Variants in AK5 observed in about 807,000 individuals in gnomAD.
The protein encoded by AK5 is adenylate kinase 5.
In AK5, 27 loss-of-function variants were observed where a neutral mutation model predicts 69.5. The observed-to-expected ratio is 0.39, with a 90% CI of 0.29 to 0.54. The LOEUF (loss-of-function observed/expected upper bound fraction) is 0.54, where lower values mean the gene tolerates loss of function less well. AK5 is among the 20% of genes least tolerant of loss of function. AK5 has a pLI of 0.71. For missense variants in AK5, 531 were observed against 700.4 expected (o/e 0.76, Z 2.73); for synonymous variants, 260 against 244.4 (o/e 1.06, Z -0.60).
intron 8 of AK5, among the ~76,000 whole-genome samples, chr1:77,425,667 A>T (rs891415562): frequency 3.3e-5 from 5 of 152,230 alleles, no homozygotes; most frequent in African/African-American, 1.2e-4. Flanking sequence ...GAGAGAATGA[A>T]TAAGTGAAGA....
intron 6 of AK5, among the ~76,000 whole-genome samples, chr1:77,389,275 A>C (rs1648257464): frequency 6.6e-6 from 1 of 152,236 alleles, no homozygotes; most frequent in Non-Finnish European, 1.5e-5. Context: ...GAAATGAGGG[A>C]ATAGAAACAT....
chr1:77,446,793 G>A (rs978871722), intron 8 of AK5, among the ~76,000 whole-genome samples: 6 of 152,138 alleles, frequency 3.9e-5, no homozygotes, highest in Non-Finnish European at 5.9e-5. Context: ...TTGTAAAGCC[G>A]ATTTAAAATT....
chr1:77,459,349 C>T (rs558609430), intron 8 of AK5, among the ~76,000 whole-genome samples: 1 of 152,288 alleles, frequency 6.6e-6, no homozygotes, highest in East Asian at 1.9e-4. Flanking sequence ...GCATTCTTTA[C>T]GTCCCCTGCT....
At chr1:77,443,584 T>C (rs1192755793) in intron 8 of AK5, among the ~76,000 whole-genome samples, 3 of 151,984 alleles carry the variant, frequency 2.0e-5, no homozygotes, top group Non-Finnish European at 2.9e-5. Context: ...TCCACTGCAC[T>C]GTGACAGGGA....
chr1:77,401,886 G>T (rs1649239514), intron 6 of AK5, among the ~76,000 whole-genome samples: 1 of 152,086 alleles, frequency 6.6e-6, no homozygotes, highest in African/African-American at 2.4e-5. Context: ...ATGAACTAGG[G>T]AATTTGGTGA....
At chr1:77,402,289 C>CATTATT (rs982570861) in intron 6 of AK5, among the ~76,000 whole-genome samples, 7 of 151,586 alleles carry the variant, frequency 4.6e-5, no homozygotes, top group African/African-American at 7.3e-5. Context: ...AAAACTTTTT[C>CATTATT]ATTATTATTA....
intron 8 of AK5, among the ~76,000 whole-genome samples, chr1:77,444,447 TAG>T: frequency 2.5e-5 from 1 of 39,292 alleles, no homozygotes; most frequent in Admixed American, 4.4e-4. Flanking sequence ...ATACTATATA[TAG>T]TATATACATA....
intron 8 of AK5, among the ~76,000 whole-genome samples, chr1:77,426,673 A>G (rs907649819): frequency 6.6e-6 from 1 of 152,214 alleles, no homozygotes; most frequent in Non-Finnish European, 1.5e-5. Context: ...GCTTTATCCA[A>G]CAACAACAGA....
At chr1:77,348,967 A>C (rs1662053723) in intron 6 of AK5, among the ~76,000 whole-genome samples, 1 of 152,226 alleles carries the variant, frequency 6.6e-6, no homozygotes, top group Non-Finnish European at 1.5e-5. Context: ...TTTCATGTTT[A>C]AGGCCAAACT....
intron 5 of AK5, among the ~76,000 whole-genome samples, chr1:77,339,146 A>G (rs1557508836): frequency 6.6e-6 from 1 of 152,280 alleles, no homozygotes; most frequent in Non-Finnish European, 1.5e-5. Flanking sequence ...ATTCTGCACT[A>G]GTATAGTAAT....
rs751057899 is a variant in AK5, at chr1:77,521,814, C to G, written c.1312-13C>G. The G allele has an allele frequency of 6.2e-7, 1 of 1,606,142 alleles. No individual in the cohort carries two copies. Among genetic ancestry groups the G allele is most frequent in the African/African-American group, 1.3e-5 (1 of 74,802 alleles). The stretch of plus-strand genomic sequence containing the variant: ...AAAGAGCTCAGGTCCTGACCACTCT[C>G]GCTTTGCTCCAGGGCATCGTTTTGG... On this transcript the variant is annotated splice_polypyrimidine_tract_variant and intron_variant, in intron 11 of 13. Transcript: ENST00000354567.
chr1:77,539,203 G>A lies in AK5; in HGVS notation c.1620+3165G>A, dbSNP rs79882490. ...AGCACGGATGACTCCACGTTGGTTC[G>A]GCCTGTTGGGCCCAGAACGGGAGCC... On this transcript the variant is annotated intron_variant, in intron 13 of 13. Transcript: ENST00000354567. 1.4e-4 allele frequency among the ~76,000 whole-genome samples: 21 copies of A among 152,294 alleles called. No individual in the cohort carries two copies. The East Asian group carries it at 3.5e-3, about 25-fold the overall frequency.
At chr1:77,518,090 A>T (rs1010316814) in intron 10 of AK5, among the ~76,000 whole-genome samples, 2 of 152,156 alleles carry the variant, frequency 1.3e-5, no homozygotes, top group African/African-American at 4.8e-5. Flanking sequence ...AAAAACACTT[A>T]TTTTTTTAAA....
chr1:77,551,098 A>G (rs1659800543), intron 13 of AK5, among the ~76,000 whole-genome samples: 6 of 152,064 alleles, frequency 3.9e-5, no homozygotes, highest in South Asian at 2.1e-4. Context: ...AATTGCTTGA[A>G]CCCGGGAGGT....
intron 6 of AK5, among the ~76,000 whole-genome samples, chr1:77,394,456 C>T (rs747205504): frequency 1.3e-5 from 2 of 152,076 alleles, no homozygotes; most frequent in African/African-American, 2.4e-5. Context: ...CCAGTTAATC[C>T]TTCTTTCTCT....
chr1:77,298,082 A>G, intron 5 of AK5, 135 bp downstream of exon 5: 2 of 521,426 alleles, frequency 3.8e-6, no homozygotes, highest in South Asian at 8.3e-5. Context: ...ATACATCAGT[A>G]TGGGTTGGCA....
At chr1:77,467,372 C>G (rs952551879) in intron 8 of AK5, among the ~76,000 whole-genome samples, 1 of 152,202 alleles carries the variant, frequency 6.6e-6, no homozygotes, top group African/African-American at 2.4e-5. Flanking sequence ...TCCTTCCACC[C>G]CACAGACTTC....
rs1655253088 is a variant in AK5 at position 77,481,550 on chromosome 1, G to C, written c.1060-1767G>C. ...TCCCTGAAGGCATATATTCTAAACA[G>C]GACAGCAAGAATCTGTCTTTAAATA... On this transcript the variant is annotated intron_variant, in intron 8 of 13. Transcript: ENST00000354567. Among the ~76,000 whole-genome samples the C allele has an allele frequency of 3.9e-5, 6 of 152,196 alleles. No homozygotes were observed. In the South Asian group the frequency reaches 1.2e-3, roughly 31 times the overall value.
At chr1:77,447,054 TA>T (rs2100650046) in intron 8 of AK5, among the ~76,000 whole-genome samples, 1 of 152,274 alleles carries the variant, frequency 6.6e-6, no homozygotes, top group East Asian at 1.9e-4. Context: ...AGAACAGGGA[TA>T]TTGAAGAGGA....
Sources: gnomAD v4.1 joint callset for allele counts (sites outside exome capture counted in the v4.1 genomes callset) on GRCh38, gnomAD v4.1.1 for gene constraint, MANE v1.5 for transcripts, NCBI Gene and HGNC (gene_info 2026-07-23, HGNC 2026-07-21) for gene names.